The following VPS13B variants were observed in gnomAD, a reference collection of about 807,000 sequenced individuals.
VPS13B encodes vacuolar protein sorting 13 homolog B.
A neutral mutation model predicts 426.4 loss-of-function variants in VPS13B; 285 were observed. The ratio of observed to expected loss-of-function variants is 0.67; its 90% CI spans 0.61 to 0.74. The LOEUF (loss-of-function observed/expected upper bound fraction) is 0.74. VPS13B is among the 30% of genes least tolerant of loss of function. VPS13B has a pLI of 0.00. For synonymous variants in VPS13B, 1,676 were observed against 1,676.4 expected (o/e 1.00, Z 0.01); for missense variants, 4,537 against 4,782.6 (o/e 0.95, Z 1.51).
rs1401992611 is a variant in VPS13B at position 99,598,790 on chromosome 8, C to G, written c.5220+21157C>G. On this transcript the variant is annotated intron_variant, in intron 33 of 61. Coordinates refer to ENST00000357162, the MANE Select transcript of VPS13B (RefSeq NM_152564.5). Reference sequence around the variant, plus strand: ...TGGTTTTAGGCACTTCCTTAGCCCTCCCTTCCCTTCAGTCCCCAGTGTAGA... The same window carrying G: ...TGGTTTTAGGCACTTCCTTAGCCCTGCCTTCCCTTCAGTCCCCAGTGTAGA... 2.6e-5 allele frequency among the ~76,000 whole-genome samples: 4 copies of G among 152,074 alleles called. No individual in the cohort carries two copies. In the East Asian group the frequency reaches 7.7e-4, roughly 29 times the overall value.
Position 99,821,315 on chromosome 8 carries a change from T to C in VPS13B, c.9016T>C (p.Tyr3006His), listed in dbSNP as rs1466874132. The C allele has an allele frequency of 1.9e-6, 3 of 1,613,600 alleles. No individual in the cohort carries two copies. Among genetic ancestry groups the C allele is most frequent in the Non-Finnish European group, 2.5e-6 (3 of 1,179,746 alleles). Residue 3006 changes from tyrosine (Y) to histidine (H), a missense_variant, in exon 50 of 62, where the codon TAC becomes CAC. Physicochemically the swap from Tyr to His is moderately conservative, Grantham distance 83. Around this residue, in one of 2 missense-constraint regions of VPS13B, gnomAD observed 4,311 missense variants for 4,474.3 expected, o/e 0.96. Coordinates refer to ENST00000357162, the MANE Select transcript of VPS13B (RefSeq NM_152564.5). ...CCAGGAAGCTTTTCAAATTGGAATA[T>C]ACTGGGCAAATACAAACACTGTGCA... is the stretch of plus-strand genomic sequence containing the variant. ...NFQEAFQIGI[Y>H]WANTNTVHKS... is the part of the protein sequence containing the mutation.
chr8:99,603,317 T>C (rs1827412119), intron 33 of VPS13B, among the ~76,000 whole-genome samples: 1 of 152,208 alleles, frequency 6.6e-6, no homozygotes, highest in African/African-American at 2.4e-5. Flanking sequence ...TGCCTGAAAC[T>C]ATACATAGTA....
At chr8:99,082,523 G>A (rs957187741) in intron 3 of VPS13B, among the ~76,000 whole-genome samples, 34 of 152,136 alleles carry the variant, frequency 2.2e-4, no homozygotes, top group South Asian at 1.0e-3. Flanking sequence ...TGTTTTAGAC[G>A]TGAAGTCCTT....
At chr8:99,501,112 G>A (rs1024491042) in intron 25 of VPS13B, among the ~76,000 whole-genome samples, 2 of 152,128 alleles carry the variant, frequency 1.3e-5, no homozygotes, top group African/African-American at 4.8e-5. Context: ...AACATGCAAG[G>A]CATGATTAAT....
intron 33 of VPS13B, among the ~76,000 whole-genome samples, chr8:99,596,949 C>T (rs1176263026): frequency 6.6e-6 from 1 of 152,002 alleles, no homozygotes; most frequent in Non-Finnish European, 1.5e-5. Flanking sequence ...CATGATATTC[C>T]TCAGAAAGCA....
At chr8:99,371,473 GT>G (rs773561038) in intron 19 of VPS13B, among the ~76,000 whole-genome samples, 1 of 152,206 alleles carries the variant, frequency 6.6e-6, no homozygotes, top group Non-Finnish European at 1.5e-5. Flanking sequence ...GTACCAGGCT[GT>G]TTTGGTTACT....
At chr8:99,840,321 G>GA (rs1815618890) in intron 54 of VPS13B, among the ~76,000 whole-genome samples, 1 of 152,244 alleles carries the variant, frequency 6.6e-6, no homozygotes, top group Admixed American at 6.5e-5. Flanking sequence ...TGAACCCAAA[G>GA]ACAGGACTTT....
At chr8:99,498,892 C>T (rs1163650078) in intron 25 of VPS13B, among the ~76,000 whole-genome samples, 1 of 150,276 alleles carries the variant, frequency 6.7e-6, no homozygotes, top group East Asian at 1.9e-4. Context: ...GACTTAAGTA[C>T]AAACAGTGGT....
chr8:99,271,603 C>T (rs538442856), intron 17 of VPS13B, among the ~76,000 whole-genome samples: 4 of 152,166 alleles, frequency 2.6e-5, no homozygotes, highest in Non-Finnish European at 4.4e-5. Flanking sequence ...CTGCCTGAGA[C>T]TGGGTAATTT....
intron 33 of VPS13B, among the ~76,000 whole-genome samples, chr8:99,595,960 A>C: frequency 6.6e-6 from 1 of 151,944 alleles, no homozygotes; most frequent in Admixed American, 6.6e-5. Context: ...GCCACAAGAA[A>C]ACACCACACT....
chr8:99,189,020 C>T (rs1813391227), intron 16 of VPS13B, among the ~76,000 whole-genome samples: 2 of 152,232 alleles, frequency 1.3e-5, no homozygotes, highest in Non-Finnish European at 2.9e-5. Flanking sequence ...CTGCCTCAGC[C>T]TCCCCAGTAA....
intron 34 of VPS13B, among the ~76,000 whole-genome samples, chr8:99,654,890 T>C (rs920511664): frequency 6.6e-6 from 1 of 151,788 alleles, no homozygotes; most frequent in African/African-American, 2.4e-5. Flanking sequence ...AGGAACAACT[T>C]GTCTCAATGA....
chr8:99,875,332 C>T, intron 61 of VPS13B, 86 bp from the exon 62 acceptor site: 2 of 1,581,712 alleles, frequency 1.3e-6, no homozygotes, highest in Non-Finnish European at 1.7e-6. Flanking sequence ...GCATAATGTA[C>T]AAATATATCG....
At chr8:99,753,655 T>C (rs1330051499) in intron 39 of VPS13B, among the ~76,000 whole-genome samples, 2 of 152,214 alleles carry the variant, frequency 1.3e-5, no homozygotes, top group Non-Finnish European at 2.9e-5. Flanking sequence ...ATCGATAAGA[T>C]AACTGGGTCA....
At chr8:99,707,398 G>A (rs1832536300) in intron 36 of VPS13B, among the ~76,000 whole-genome samples, 2 of 152,138 alleles carry the variant, frequency 1.3e-5, no homozygotes, top group African/African-American at 4.8e-5. Flanking sequence ...ATTGGTCTTT[G>A]TATATATTCC....
At chr8:99,659,727 A>C (rs1830151618) in intron 34 of VPS13B, among the ~76,000 whole-genome samples, 1 of 152,198 alleles carries the variant, frequency 6.6e-6, no homozygotes. Context: ...ACATTTCTAC[A>C]TCAATTTAAT....
At chr8:99,325,248 GC>G (rs1800024825) in intron 19 of VPS13B, among the ~76,000 whole-genome samples, 1 of 152,160 alleles carries the variant, frequency 6.6e-6, no homozygotes, top group Admixed American at 6.6e-5. Context: ...ACTGTGCTCG[GC>G]CAAGATTCTC....
At chr8:99,382,692 C>T (rs1246204350) in intron 19 of VPS13B, among the ~76,000 whole-genome samples, 1 of 152,086 alleles carries the variant, frequency 6.6e-6, no homozygotes, top group Non-Finnish European at 1.5e-5. Flanking sequence ...CACTGAAGTT[C>T]CTTATCAGCT....
intron 23 of VPS13B, among the ~76,000 whole-genome samples, chr8:99,452,460 A>G (rs1818245459): frequency 6.6e-6 from 1 of 152,138 alleles, no homozygotes. Context: ...CTGTATTACC[A>G]TTATTTAGCA....
Sources: allele counts gnomAD v4.1 joint callset (sites outside exome capture counted in the v4.1 genomes callset), GRCh38; gene constraint gnomAD v4.1.1; regional missense constraint gnomAD v4.1.1; transcripts MANE v1.5; gene names NCBI Gene and HGNC (gene_info 2026-07-23, HGNC 2026-07-21).